The following ANK1 variants were observed in gnomAD, a reference collection of about 807,000 sequenced individuals.
ANK1 encodes the protein ankyrin-1.
In ANK1, 51 loss-of-function variants were observed where a neutral mutation model predicts 210.4. The observed-to-expected ratio is 0.24, with a 90% confidence interval of 0.19 to 0.31. The LOEUF (loss-of-function observed/expected upper bound fraction) is 0.31, where lower values mean the gene tolerates loss of function less well. Ranked by LOEUF, ANK1 falls within the 10% of genes least tolerant of loss-of-function variation. The probability of loss-of-function intolerance (pLI) is 1.00; values close to 1 mark genes in which losing one functional copy is unlikely to be tolerated. For missense variants in ANK1, 2,051 were observed against 2,504.4 expected, an observed-to-expected ratio of 0.82 and a Z score of 3.86; for synonymous variants, 967 against 1,025.9, an observed-to-expected ratio of 0.94 and a Z score of 1.10.
At chr8:41,728,523 T>C (rs899407079) in intron 3 of ANK1, among the ~76,000 whole-genome samples, 3 of 152,052 alleles carry the variant, frequency 2.0e-5, no homozygotes, top group African/African-American at 7.3e-5. Context: ...AATGTATCCA[T>C]GGAACAAAGC....
chr8:41,884,068 C>A (rs778768281), intron 1 of ANK1, among the ~76,000 whole-genome samples: 1 of 152,162 alleles, frequency 6.6e-6, no homozygotes, highest in Non-Finnish European at 1.5e-5. Flanking sequence ...GGTGCCACTA[C>A]GGCTGAGCGC....
chr8:41,822,837 C>G (rs1804710433), intron 1 of ANK1, among the ~76,000 whole-genome samples: 1 of 152,226 alleles, frequency 6.6e-6, no homozygotes, highest in African/African-American at 2.4e-5. Flanking sequence ...GATTTGCACC[C>G]CTGTACGGGA....
At chr8:41,854,405 G>C (rs1811808339) in intron 1 of ANK1, among the ~76,000 whole-genome samples, 1 of 152,148 alleles carries the variant, frequency 6.6e-6, no homozygotes, top group Non-Finnish European at 1.5e-5. Flanking sequence ...AATTCCAGCG[G>C]AACCCTCTAT....
chr8:41,692,461 A>G (rs1012676243), intron 31 of ANK1, among the ~76,000 whole-genome samples, 187 bp downstream of exon 31: 3 of 152,246 alleles, frequency 2.0e-5, no homozygotes, highest in Non-Finnish European at 4.4e-5. Context: ...TGAGATGTGC[A>G]TGGTGGCATC....
chr8:41,715,981 G>C, intron 13 of ANK1, 132 bp from the exon 14 acceptor site: 1 of 1,023,356 alleles, frequency 9.8e-7, no homozygotes, highest in Non-Finnish European at 1.5e-6. Context: ...CTAAGAAGAT[G>C]AAGAGTCAGG....
intron 1 of ANK1, among the ~76,000 whole-genome samples, chr8:41,834,309 G>A (rs946646926): frequency 6.6e-6 from 1 of 152,254 alleles, no homozygotes; most frequent in East Asian, 1.9e-4. Flanking sequence ...AGACTCGGGA[G>A]AATAACAGGA....
In ANK1 at chr8:41,797,598, G is replaced by T; in HGVS notation, c.-60C>A. 4.4e-6 allele frequency: 7 copies of T among 1,607,764 alleles called. 1 individual carries two copies. The South Asian group carries it at 7.8e-5, about 18-fold the overall frequency. ...TGGGGGCTTGAGGAGGAGCAGCTGG[G>T]GCTGGCGGACTCACCGCAGCCTCTG... On this transcript the variant is annotated 5_prime_UTR_variant, in exon 1 of 43. Coordinates refer to ENST00000289734, the MANE Select transcript of ANK1 (RefSeq NM_000037.4). The surrounding 1 kb of genome is among the most constrained non-coding windows in gnomAD (Gnocchi z 4.0).
At chr8:41,804,396 C>T (rs1850618049) in intron 1 of ANK1, among the ~76,000 whole-genome samples, 1 of 152,216 alleles carries the variant, frequency 6.6e-6, no homozygotes, top group Admixed American at 6.5e-5. Context: ...AATCACTAAA[C>T]CAGCCCACCC....
At chr8:41,896,662 G>GC (rs1168167345) in exon 1 of ANK1, 1 of 729,406 alleles carries the variant, frequency 1.4e-6, no homozygotes, top group African/African-American at 1.9e-5. Flanking sequence ...GACGCGGAGG[G>GC]CGAGGGGCGG....
chr8:41,817,259 C>T (rs184433453), intron 1 of ANK1, among the ~76,000 whole-genome samples: 1 of 152,306 alleles, frequency 6.6e-6, no homozygotes, highest in East Asian at 1.9e-4. Context: ...GCACATTTGC[C>T]TATTATCAGA....
Position 41,718,112 on chromosome 8 carries a change from G to A in ANK1, c.1200C>T (p.Val400=). Residue 400 remains valine (V), a synonymous_variant, in exon 11 of 43, where the codon GTC becomes GTT. Coordinates refer to ENST00000289734, the MANE Select transcript of ANK1 (RefSeq NM_000037.4). ...CCTCTGCAGTCTCTCCTACCTCGGT[G>A]ACCGCGTCGATCGAGGCTCCCGTCT... The part of the protein sequence containing the change: ...LLKTGASIDA[V]TESGLTPLHV... 1 of 1,613,816 alleles carries A rather than the reference G, an allele frequency of 6.2e-7. No individual in the cohort carries two copies. Among genetic ancestry groups the A allele is most frequent in the Non-Finnish European group, 8.5e-7 (1 of 1,179,966 alleles).
At chr8:41,761,519 C>A (rs1000917609) in intron 1 of ANK1, among the ~76,000 whole-genome samples, 2 of 152,172 alleles carry the variant, frequency 1.3e-5, no homozygotes, top group African/African-American at 4.8e-5. Flanking sequence ...AGAAGAAGGC[C>A]CTGAAGCCCT....
intron 1 of ANK1, among the ~76,000 whole-genome samples, chr8:41,789,662 C>T (rs760048131): frequency 1.3e-4 from 20 of 152,276 alleles, no homozygotes; most frequent in African/African-American, 2.6e-4. Context: ...AGTTTCAGCA[C>T]GACCAGTATG....
At position 41,725,814 on chromosome 8, in the gene ANK1, G is replaced by A. The variant is rs751082142; in HGVS notation, c.559C>T (p.Arg187Cys). ...TTCTGCAGCAGCACCGCAGCCGTGC[G>A]CGTGTCGTCGTTGCGGGCCGCGATG... Reference protein sequence around the residue: ...LHIAARNDDTRTAAVLLQNDP... With the variant: ...LHIAARNDDTCTAAVLLQNDP... The change falls in exon 6 of 43, where the codon CGC (arginine) becomes TGC (cysteine). Residue 187 changes from arginine to cysteine, a missense_variant. Physicochemically the swap from Arg to Cys is radical, Grantham distance 180. Coordinates refer to ENST00000289734, the MANE Select transcript of ANK1 (RefSeq NM_000037.4). 2.5e-6 allele frequency: 4 copies of A among 1,611,932 alleles called. No homozygotes were observed. Among genetic ancestry groups the A allele is most frequent in the East Asian group, 4.5e-5 (2 of 44,880 alleles).
At chr8:41,782,659 G>A (rs1845582120) in intron 1 of ANK1, among the ~76,000 whole-genome samples, 1 of 152,156 alleles carries the variant, frequency 6.6e-6, no homozygotes, top group Non-Finnish European at 1.5e-5. Flanking sequence ...TCGCTGAATT[G>A]AATTCTAAGC....
intron 23 of ANK1, among the ~76,000 whole-genome samples, chr8:41,698,431 G>A (rs947314630): frequency 6.6e-6 from 1 of 152,206 alleles, no homozygotes; most frequent in African/African-American, 2.4e-5. Context: ...TCCGTAAGTT[G>A]CTTACGGTCA....
intron 1 of ANK1, among the ~76,000 whole-genome samples, chr8:41,824,704 G>A (rs1441869492): frequency 1.3e-5 from 2 of 152,244 alleles, no homozygotes; most frequent in Middle Eastern, 3.4e-3. Context: ...CCCTGACCCC[G>A]CCTTCGCCAC....
chr8:41,715,995 C>T (rs925521534), intron 13 of ANK1, 146 bp from the exon 14 acceptor site: 14 of 942,668 alleles, frequency 1.5e-5, no homozygotes, highest in Admixed American at 1.4e-4. Flanking sequence ...AGTCAGGATT[C>T]GAATCAAGTC....
At chr8:41,770,018 G>A in intron 1 of ANK1, among the ~76,000 whole-genome samples, 1 of 69,028 alleles carries the variant, frequency 1.4e-5, no homozygotes, top group East Asian at 5.6e-4. Flanking sequence ...TTTAGCTCTT[G>A]TTGCCCAGGC....
Sources: gnomAD v4.1 joint callset for allele counts (sites outside exome capture counted in the v4.1 genomes callset) on GRCh38, gnomAD v4.1.1 for gene constraint, Gnocchi (gnomAD v3.1) non-coding constraint, MANE v1.5 for transcripts, NCBI Gene and HGNC (gene_info 2026-07-23, HGNC 2026-07-21) for gene names.